MGAT5: variants seen among roughly 807,000 people sequenced by gnomAD.
MGAT5 encodes alpha-1,6-mannosylglycoprotein 6-beta-N-acetylglucosaminyltransferase A.
MGAT5 carries 30 observed loss-of-function variants against 94.3 expected under a neutral mutation model. That is an observed-to-expected ratio of 0.32 (90% CI 0.24 to 0.43). MGAT5 has a LOEUF of 0.43. MGAT5 is among the 20% of genes least tolerant of loss of function. The probability of loss-of-function intolerance (pLI) is 1.00; values close to 1 mark genes in which losing one functional copy is unlikely to be tolerated. For missense variants in MGAT5, 691 were observed against 905.5 expected (o/e 0.76, Z 3.04); for synonymous variants, 310 against 322.9 (o/e 0.96, Z 0.43).
At chr2:134,182,546 C>A (rs1484470742) in intron 1 of MGAT5, among the ~76,000 whole-genome samples, 1 of 152,126 alleles carries the variant, frequency 6.6e-6, no homozygotes, top group Non-Finnish European at 1.5e-5. Context: ...GTGCACACAT[C>A]ATTGGTATGC....
intron 7 of MGAT5, among the ~76,000 whole-genome samples, chr2:134,343,644 C>T (rs1688754502): frequency 6.6e-6 from 1 of 152,180 alleles, no homozygotes; most frequent in South Asian, 2.1e-4. Context: ...GGGTAGGACA[C>T]AGCCATAAGT....
intron 4 of MGAT5, among the ~76,000 whole-genome samples, chr2:134,333,107 A>G (rs1688086658): frequency 6.6e-6 from 1 of 152,200 alleles, no homozygotes; most frequent in Non-Finnish European, 1.5e-5. Flanking sequence ...AGGACTATAA[A>G]TCATGCTGCT....
Position 134,452,495 on chromosome 2 carries a change from G to A in MGAT5, c.*3648G>A, listed in dbSNP as rs1046154993. ...TGAATAATGAGCTTCCCCTTTGGGA[G>A]TGGAGCCCAGTGCAGCTCACTGACA... On this transcript the variant is annotated 3_prime_UTR_variant, in exon 16 of 16. Coordinates refer to ENST00000281923, the MANE Select transcript of MGAT5 (RefSeq NM_002410.5). 6.6e-6 allele frequency: 1 copy of A among 152,236 alleles called. No homozygotes were observed. The highest frequency in any genetic ancestry group is 1.5e-5 in the Non-Finnish European group (1 of 68,044). The allele number at this position is 152,236 out of a possible 1,614,324, so 9.4% of individuals were successfully genotyped here.
intron 10 of MGAT5, among the ~76,000 whole-genome samples, chr2:134,370,995 C>G (rs72980024): frequency 6.6e-6 from 1 of 152,052 alleles, no homozygotes; most frequent in South Asian, 2.1e-4. Flanking sequence ...TAGCCTTACC[C>G]GATGTCATCA....
intron 9 of MGAT5, 135 bp from the exon 10 acceptor site, chr2:134,362,140 C>T: frequency 9.8e-7 from 1 of 1,022,966 alleles, no homozygotes; most frequent in Non-Finnish European, 1.4e-6. Flanking sequence ...CCTCACCTCC[C>T]TCAGGTAAGA....
intron 10 of MGAT5, among the ~76,000 whole-genome samples, chr2:134,381,386 A>ATAGAT (rs1553457749): frequency 2.1e-5 from 2 of 95,336 alleles, no homozygotes; most frequent in Non-Finnish European, 4.3e-5. Context: ...GATAGATTAG[A>ATAGAT]TAGATAGATA....
chr2:134,261,699 T>A (rs1330099474), intron 1 of MGAT5, among the ~76,000 whole-genome samples: 18 of 152,202 alleles, frequency 1.2e-4, no homozygotes, highest in Admixed American at 1.2e-3. Flanking sequence ...CATGTGTCTC[T>A]CCCACTTACA....
At chr2:134,401,294 G>A (rs1199296858) in intron 10 of MGAT5, among the ~76,000 whole-genome samples, 1 of 152,120 alleles carries the variant, frequency 6.6e-6, no homozygotes, top group Admixed American at 6.5e-5. Flanking sequence ...AGACTCCAAC[G>A]CTCAAATGAC....
At chr2:134,416,646 A>C (rs77917873) in intron 12 of MGAT5, among the ~76,000 whole-genome samples, 3,438 of 151,330 alleles carry the variant, frequency 0.023, 82 homozygotes, top group East Asian at 0.14. Flanking sequence ...TACTCTTTTT[A>C]TATTTGGTAG....
At chr2:134,334,740 T>C (rs998684248) in intron 4 of MGAT5, among the ~76,000 whole-genome samples, 1 of 152,076 alleles carries the variant, frequency 6.6e-6, no homozygotes, top group Non-Finnish European at 1.5e-5. Context: ...TTCTCTGCTG[T>C]TTTTCCTCAT....
intron 2 of MGAT5, among the ~76,000 whole-genome samples, chr2:134,304,797 A>G (rs1264094062): frequency 6.6e-6 from 1 of 152,134 alleles, no homozygotes; most frequent in Non-Finnish European, 1.5e-5. Flanking sequence ...GCTGGTCTCA[A>G]CCTACTGGGC....
intron 1 of MGAT5, among the ~76,000 whole-genome samples, chr2:134,217,144 G>T (rs962595639): frequency 1.3e-5 from 2 of 151,712 alleles, no homozygotes; most frequent in African/African-American, 4.8e-5. Flanking sequence ...ATGAAATGTG[G>T]TTTTTGGGTA....
At chr2:134,424,428 C>A (rs1382610765) in intron 13 of MGAT5, among the ~76,000 whole-genome samples, 1 of 152,146 alleles carries the variant, frequency 6.6e-6, no homozygotes, top group Non-Finnish European at 1.5e-5. Context: ...ATGATACATA[C>A]AATCCCAATC....
At chr2:134,251,496 T>TC (rs1242687892), upstream of MGAT5, among the ~76,000 whole-genome samples, 1 of 152,222 alleles carries the variant, frequency 6.6e-6, no homozygotes, top group African/African-American at 2.4e-5. Flanking sequence ...AGTGCCTTTC[T>TC]CTGAGAAGGT....
chr2:134,221,993 G>A (rs1465470663), intron 1 of MGAT5, among the ~76,000 whole-genome samples: 1 of 151,784 alleles, frequency 6.6e-6, no homozygotes, highest in Non-Finnish European at 1.5e-5. Context: ...ATTTGTCCAG[G>A]TCCCACGGTG....
intron 1 of MGAT5, among the ~76,000 whole-genome samples, chr2:134,161,832 C>G (rs562053864): frequency 5.9e-5 from 9 of 152,156 alleles, no homozygotes; most frequent in African/African-American, 2.2e-4. Context: ...AAGGACCTTG[C>G]TAAACATGTG....
intron 1 of MGAT5, among the ~76,000 whole-genome samples, chr2:134,245,707 C>T (rs916392799): frequency 1.3e-5 from 2 of 152,180 alleles, no homozygotes; most frequent in Non-Finnish European, 2.9e-5. Flanking sequence ...CAGAGAACAG[C>T]TGGGGTAGGT....
chr2:134,120,496 G>A (rs949123856), intron 1 of MGAT5, among the ~76,000 whole-genome samples: 1 of 151,746 alleles, frequency 6.6e-6, no homozygotes, highest in African/African-American at 2.4e-5. Flanking sequence ...TCTGCAGGAC[G>A]CCGGAGTGGA....
chr2:134,447,629 G>A (rs902871030), intron 15 of MGAT5, among the ~76,000 whole-genome samples: 13 of 152,174 alleles, frequency 8.5e-5, no homozygotes, highest in African/African-American at 2.2e-4. Context: ...TTCCCACCTC[G>A]CATTCATGCA....
Sources: gnomAD v4.1 joint callset for allele counts (sites outside exome capture counted in the v4.1 genomes callset) on GRCh38, gnomAD v4.1.1 for gene constraint, MANE v1.5 for transcripts, NCBI Gene and HGNC (gene_info 2026-07-23, HGNC 2026-07-21) for gene names.